The following SEMA3E variants were observed in gnomAD, a reference collection of about 807,000 sequenced individuals.
The protein encoded by SEMA3E is semaphorin 3E.
Under a neutral mutation model 93.6 loss-of-function variants are expected in SEMA3E, and 49 were observed. That is an observed-to-expected ratio of 0.52 (90% CI 0.42 to 0.66). The LOEUF is 0.66. SEMA3E is among the 30% of genes least tolerant of loss of function. The pLI, the probability that SEMA3E is intolerant of heterozygous loss-of-function variation, is 0.00. For synonymous variants in SEMA3E, 363 were observed against 330.7 expected (o/e 1.10, Z -1.06); for missense variants, 906 against 964.8 (o/e 0.94, Z 0.81).
chr7:83,549,991 C>T (rs1022892483), intron 1 of SEMA3E, among the ~76,000 whole-genome samples: 1 of 152,000 alleles, frequency 6.6e-6, no homozygotes, highest in African/African-American at 2.4e-5. Context: ...CCTCGTCTAT[C>T]CTGCAGTAAA....
intron 1 of SEMA3E, among the ~76,000 whole-genome samples, chr7:83,611,821 C>T (rs568941671): frequency 2.6e-5 from 4 of 152,104 alleles, no homozygotes; most frequent in Non-Finnish European, 5.9e-5. Flanking sequence ...GCCAGGATTC[C>T]GGCCTTTTCA....
rs540301194 is a variant in SEMA3E at position 83,541,961 on chromosome 7, G to A, written c.116-51687C>T. Among the ~76,000 whole-genome samples, 4 of 152,160 alleles carry A rather than the reference G, an allele frequency of 2.6e-5. No homozygotes were observed. In the South Asian group the frequency reaches 8.3e-4, roughly 32 times the overall value. On this transcript the variant is annotated intron_variant, in intron 1 of 16. Coordinates refer to ENST00000643230, the MANE Select transcript of SEMA3E (RefSeq NM_012431.3). ...AATCTGCAAAGAGAAGGTGGGAAGA[G>A]TCTGACATAATGTTGCTTGGTGCTA...
At chr7:83,582,668 C>A (rs1792537840) in intron 1 of SEMA3E, among the ~76,000 whole-genome samples, 2 of 152,178 alleles carry the variant, frequency 1.3e-5, no homozygotes, top group South Asian at 4.1e-4. Context: ...TTTGGATTGG[C>A]AGATGCCGGA....
chr7:83,531,012 T>C (rs191788336), intron 1 of SEMA3E, among the ~76,000 whole-genome samples: 61 of 152,268 alleles, frequency 4.0e-4, no homozygotes, highest in Admixed American at 1.0e-3. Context: ...CATTTTCACA[T>C]ACACACAGAC....
Position 83,496,272 on chromosome 7 carries a change from T to C in SEMA3E, c.116-5998A>G, listed in dbSNP as rs185124336. On this transcript the variant is annotated intron_variant, in intron 1 of 16. Coordinates refer to ENST00000643230, the MANE Select transcript of SEMA3E (RefSeq NM_012431.3). ...TCTAAATATTATTTTAAAAATACCC[T>C]AGTAATTAAAAGTCTAGTCTATTAA... 2.0e-3 allele frequency among the ~76,000 whole-genome samples: 308 copies of C among 152,148 alleles called. 1 individual carries two copies. Among genetic ancestry groups the C allele is most frequent in the African/African-American group, 6.8e-3 (284 of 41,556 alleles).
intron 1 of SEMA3E, among the ~76,000 whole-genome samples, chr7:83,588,736 C>A (rs1792686568): frequency 1.3e-5 from 2 of 152,222 alleles, no homozygotes; most frequent in South Asian, 2.1e-4. Flanking sequence ...TACATATTTA[C>A]CTTGAATCAC....
intron 1 of SEMA3E, among the ~76,000 whole-genome samples, chr7:83,602,143 G>T (rs1410525483): frequency 6.6e-6 from 1 of 152,156 alleles, no homozygotes; most frequent in Non-Finnish European, 1.5e-5. Flanking sequence ...AATGAGATGG[G>T]TGAGGATTTT....
intron 1 of SEMA3E, among the ~76,000 whole-genome samples, chr7:83,575,234 G>T (rs1270821893): frequency 6.6e-6 from 1 of 151,508 alleles, no homozygotes; most frequent in South Asian, 2.1e-4. Flanking sequence ...TTGAAGGAGG[G>T]TAGCAGGATG....
chr7:83,551,243 C>T (rs1199874354), intron 1 of SEMA3E, among the ~76,000 whole-genome samples: 1 of 151,950 alleles, frequency 6.6e-6, no homozygotes, highest in South Asian at 2.1e-4. Flanking sequence ...AAATGTTCAT[C>T]GAAAGAAAAG....
chr7:83,522,245 T>C (rs1791064837), intron 1 of SEMA3E, among the ~76,000 whole-genome samples: 1 of 152,096 alleles, frequency 6.6e-6, no homozygotes, highest in Non-Finnish European at 1.5e-5. Context: ...TGTTTATTTC[T>C]AACTTGGTGG....
rs1040435782 is a variant in SEMA3E at position 83,588,378 on chromosome 7, TA to T, written c.115+60049del. ...CCTGGTGGCAGAGCAAGACTCTGTC[TA>T]AAAAAAAAAAGAAGAAGAAGAAGAA... On this transcript the variant is annotated intron_variant, in intron 1 of 16. Transcript: ENST00000643230. 7.0e-4 allele frequency among the ~76,000 whole-genome samples: 101 copies of T among 144,226 alleles called. 1 individual carries two copies. Among genetic ancestry groups the T allele is most frequent in the Middle Eastern group, 3.6e-3 (1 of 280 alleles). The allele number at this position is 144,226 out of a possible 152,430, so 94.6% of individuals were successfully genotyped here. A position where few individuals can be genotyped will look rare whatever the true frequency, so the allele number is the denominator to read the frequency against.
At chr7:83,403,008 C>T (rs1788260319) in intron 9 of SEMA3E, among the ~76,000 whole-genome samples, 2 of 151,918 alleles carry the variant, frequency 1.3e-5, no homozygotes, top group African/African-American at 4.8e-5. Context: ...GACATTGTTA[C>T]AATGACAAAA....
intron 1 of SEMA3E, among the ~76,000 whole-genome samples, chr7:83,579,745 A>G (rs1258311461): frequency 6.6e-6 from 1 of 152,136 alleles, no homozygotes; most frequent in Non-Finnish European, 1.5e-5. Context: ...CTTTTACTAT[A>G]GCAAGGTTAA....
At chr7:83,576,927 A>G (rs1314692840) in intron 1 of SEMA3E, among the ~76,000 whole-genome samples, 2 of 152,170 alleles carry the variant, frequency 1.3e-5, no homozygotes, top group African/African-American at 4.8e-5. Context: ...CAGCCAACTC[A>G]TCTATATTTA....
intron 4 of SEMA3E, among the ~76,000 whole-genome samples, chr7:83,462,990 A>G (rs1584265269): frequency 8.7e-6 from 1 of 115,252 alleles, no homozygotes; most frequent in African/African-American, 2.7e-5. Context: ...CCTGACACCC[A>G]TCAAGCTTAG....
intron 1 of SEMA3E, among the ~76,000 whole-genome samples, chr7:83,555,303 A>G (rs1405081522): frequency 6.6e-6 from 1 of 152,234 alleles, no homozygotes; most frequent in African/African-American, 2.4e-5. Flanking sequence ...ATGTAACACA[A>G]CTGCACTTGT....
chr7:83,374,527 T>C (rs1794794875), intron 16 of SEMA3E, among the ~76,000 whole-genome samples: 1 of 152,166 alleles, frequency 6.6e-6, no homozygotes. Context: ...ACTCTGGATG[T>C]CCACATTTAG....
At chr7:83,415,574 TTG>T (rs556762422) in intron 5 of SEMA3E, among the ~76,000 whole-genome samples, 3 of 152,164 alleles carry the variant, frequency 2.0e-5, no homozygotes, top group South Asian at 2.1e-4. Flanking sequence ...GCTTTATAAC[TTG>T]TCTTTCATCT....
chr7:83,558,622 T>G (rs953410631), intron 1 of SEMA3E, among the ~76,000 whole-genome samples: 2 of 152,118 alleles, frequency 1.3e-5, no homozygotes. Flanking sequence ...TTTAAAATTA[T>G]GGTTACATTT....
Sources: allele counts gnomAD v4.1 joint callset (sites outside exome capture counted in the v4.1 genomes callset), GRCh38; gene constraint gnomAD v4.1.1; transcripts MANE v1.5; gene names NCBI Gene and HGNC (gene_info 2026-07-23, HGNC 2026-07-21).